The following PLXNA2 variants were observed in gnomAD, a reference collection of about 807,000 sequenced individuals.
PLXNA2 encodes plexin A2.
In PLXNA2, 91 loss-of-function variants were observed where a neutral mutation model predicts 193.5. The ratio of observed to expected loss-of-function variants is 0.47; its 90% CI spans 0.40 to 0.56. The LOEUF is 0.56. Among genes scored for constraint, PLXNA2 ranks in the 20% least tolerant of loss-of-function variants. PLXNA2 has a pLI of 0.00. For missense variants in PLXNA2, 1,995 were observed against 2,503.2 expected (o/e 0.80, Z 4.33); for synonymous variants, 997 against 1,027.3 (o/e 0.97, Z 0.56).
Position 208,074,284 on chromosome 1 carries a change from C to T in PLXNA2, c.2586+4976G>A, listed in dbSNP as rs537547162. On this transcript the variant is annotated intron_variant, in intron 12 of 31. Transcript: ENST00000367033. ...GAAGCATAGGCTGGGGGAACGGAAA[C>T]GTGGCGGGCCAGCCATCTCATGGGC... Among the ~76,000 whole-genome samples the T allele has an allele frequency of 1.5e-4, 23 of 152,274 alleles. No individual in the cohort carries two copies. In the South Asian group the frequency reaches 3.3e-3, roughly 22 times the overall value.
chr1:208,099,913 G>T (rs1229548974), intron 5 of PLXNA2, among the ~76,000 whole-genome samples: 1 of 152,020 alleles, frequency 6.6e-6, no homozygotes. Context: ...AGACCACAGA[G>T]TGAGGGCAGC....
intron 2 of PLXNA2, 80 bp from the exon 3 acceptor site, chr1:208,210,542 C>A (rs1670907536): frequency 7.7e-7 from 1 of 1,303,508 alleles, no homozygotes. Flanking sequence ...TCCACAACTT[C>A]CAGCCTTAGG....
chr1:208,191,997 C>T (rs1224332521), intron 3 of PLXNA2, among the ~76,000 whole-genome samples: 1 of 152,212 alleles, frequency 6.6e-6, no homozygotes, highest in Non-Finnish European at 1.5e-5. Flanking sequence ...CCCCTTGCCT[C>T]ATGGTGGGAG....
intron 3 of PLXNA2, among the ~76,000 whole-genome samples, chr1:208,158,533 C>T (rs1226634727): frequency 6.6e-6 from 1 of 152,188 alleles, no homozygotes; most frequent in African/African-American, 2.4e-5. Flanking sequence ...CCAAACTGAC[C>T]TGTGCCCAAA....
intron 9 of PLXNA2, among the ~76,000 whole-genome samples, chr1:208,087,956 C>T (rs1238055726): frequency 4.6e-5 from 7 of 152,176 alleles, no homozygotes; most frequent in Admixed American, 6.5e-5. Context: ...CATACAGTAC[C>T]TGTCTTATGA....
At chr1:208,193,551 T>A (rs1670252382) in intron 3 of PLXNA2, among the ~76,000 whole-genome samples, 1 of 152,196 alleles carries the variant, frequency 6.6e-6, no homozygotes, top group Non-Finnish European at 1.5e-5. Flanking sequence ...TATATGTATA[T>A]TTATGAAAGC....
rs200629547 is a variant in PLXNA2 at position 208,026,654 on chromosome 1, T to TC, written c.*588_*589insG. The TC allele has an allele frequency of 0.37, 45,300 of 120,862 alleles. 8,695 individuals are homozygous for TC. The highest frequency in any genetic ancestry group is 0.5 in the Non-Finnish European group (29,535 of 59,468). The allele number at this position is 120,862 out of a possible 1,614,324, so 7.5% of individuals were successfully genotyped here. A position where few individuals can be genotyped will look rare whatever the true frequency, so the allele number is the denominator to read the frequency against. Reference sequence around the variant, plus strand: ...ATCATTCTTCTTCTCCTCTTTCTCTTTTTTTTTTTTTTTTTAATTTCAAGG... The same window carrying TC: ...ATCATTCTTCTTCTCCTCTTTCTCTTCTTTTTTTTTTTTTTTAATTTCAAGG... On this transcript the variant is annotated 3_prime_UTR_variant, in exon 32 of 32. Coordinates refer to ENST00000367033, the MANE Select transcript of PLXNA2 (RefSeq NM_025179.4).
At chr1:208,073,591 A>AGGGGGAG (rs1239077502) in intron 12 of PLXNA2, among the ~76,000 whole-genome samples, 1 of 152,204 alleles carries the variant, frequency 6.6e-6, no homozygotes, top group South Asian at 2.1e-4. Context: ...CCCCCCTCTG[A>AGGGGGAG]TCAGAATGCT....
At chr1:208,239,301 C>T (rs1328997423) in intron 1 of PLXNA2, among the ~76,000 whole-genome samples, 5 of 152,152 alleles carry the variant, frequency 3.3e-5, no homozygotes, top group Non-Finnish European at 7.3e-5. Context: ...CCCCCTTCTG[C>T]CTGCAAGGCT....
intron 4 of PLXNA2, among the ~76,000 whole-genome samples, chr1:208,137,226 C>T (rs1333669482): frequency 4.6e-5 from 7 of 152,232 alleles, no homozygotes; most frequent in Non-Finnish European, 8.8e-5. Context: ...GAGCCATTCT[C>T]CACTGTGACT....
chr1:208,086,663 A>G (rs1272220919), intron 9 of PLXNA2, among the ~76,000 whole-genome samples: 1 of 151,936 alleles, frequency 6.6e-6, no homozygotes, highest in Admixed American at 6.6e-5. Flanking sequence ...AGGCAACCCC[A>G]GAACAGATGG....
chr1:208,235,214 C>CT (rs1216218854), intron 1 of PLXNA2, among the ~76,000 whole-genome samples: 2 of 152,228 alleles, frequency 1.3e-5, no homozygotes, highest in African/African-American at 4.8e-5. Context: ...TGCAGGGCCA[C>CT]TATTGGCTTT....
intron 3 of PLXNA2, among the ~76,000 whole-genome samples, chr1:208,198,274 G>C (rs1670422951): frequency 6.6e-6 from 1 of 152,154 alleles, no homozygotes; most frequent in South Asian, 2.1e-4. Flanking sequence ...TTCTCAGTGT[G>C]CTCCTCCTCC....
chr1:208,031,791 G>A (rs1016763982), intron 28 of PLXNA2, 32 bp from the exon 29 acceptor site: 21 of 1,518,424 alleles, frequency 1.4e-5, no homozygotes, highest in Admixed American at 1.8e-5. Context: ...GTAAGATGGA[G>A]GGGGGTGACG....
At chr1:208,215,824 G>A (rs1671107944) in intron 2 of PLXNA2, among the ~76,000 whole-genome samples, 1 of 152,154 alleles carries the variant, frequency 6.6e-6, no homozygotes, top group Non-Finnish European at 1.5e-5. Flanking sequence ...ATACTTTGAT[G>A]GCAGCACCAT....
At position 208,180,263 on chromosome 1, in the gene PLXNA2, G is replaced by T. The variant is rs890175194; in HGVS notation, c.1371+30017C>A. Among the ~76,000 whole-genome samples the T allele has an allele frequency of 3.3e-5, 5 of 152,030 alleles. No individual in the cohort carries two copies. In the East Asian group the frequency reaches 7.7e-4, roughly 24 times the overall value. ...GAGAGTAAAGGCCATTATATGGGAG[G>T]AGAAGAAAAATGGCCTGTCTTCAGG... On this transcript the variant is annotated intron_variant, in intron 3 of 31. Transcript: ENST00000367033.
intron 4 of PLXNA2, among the ~76,000 whole-genome samples, chr1:208,133,749 CTG>C (rs1668226530): frequency 6.6e-6 from 1 of 152,326 alleles, no homozygotes; most frequent in African/African-American, 2.4e-5. Flanking sequence ...CTGAGTGAAA[CTG>C]TTGTCAAGTT....
Position 208,046,038 on chromosome 1 carries a change from G to A in PLXNA2, c.3335C>T (p.Thr1112Ile), listed in dbSNP as rs1434380536. ...LTTDYRPGLD[T>I]VERPDEFGFV... The stretch of plus-strand genomic sequence containing the variant: ...TCCAAACTCATCTGGGCGTTCCACA[G>A]TGTCCAGGCCAGGGCGGTAGTCCGT... The change falls in exon 18 of 32, where the codon ACT (threonine) becomes ATT (isoleucine). Residue 1112 changes from threonine to isoleucine, a missense_variant. Physicochemically the swap from Thr to Ile is moderately conservative, Grantham distance 89. Coordinates refer to ENST00000367033, the MANE Select transcript of PLXNA2 (RefSeq NM_025179.4). 2 of 1,614,266 alleles carry A rather than the reference G, an allele frequency of 1.2e-6. No individual in the cohort carries two copies. The highest frequency in any genetic ancestry group is 3.3e-4 in the Middle Eastern group (2 of 6,062).
At chr1:208,058,246 C>A (rs1462992401) in intron 13 of PLXNA2, among the ~76,000 whole-genome samples, 2 of 152,198 alleles carry the variant, frequency 1.3e-5, no homozygotes, top group Non-Finnish European at 2.9e-5. Flanking sequence ...AGGGGCTGAG[C>A]TGCAGCCTCA....
Sources: gnomAD v4.1 joint callset for allele counts (sites outside exome capture counted in the v4.1 genomes callset) on GRCh38, gnomAD v4.1.1 for gene constraint, MANE v1.5 for transcripts, NCBI Gene and HGNC (gene_info 2026-07-23, HGNC 2026-07-21) for gene names.